The following RPS6KA2 variants were observed in gnomAD, a reference collection of about 807,000 sequenced individuals.
RPS6KA2 encodes ribosomal protein S6 kinase A2.
A neutral mutation model predicts 91.8 loss-of-function variants in RPS6KA2; 42 were observed. That is an observed-to-expected ratio of 0.46 (90% CI 0.36 to 0.59). The LOEUF (loss-of-function observed/expected upper bound fraction) is 0.59, where lower values mean the gene tolerates loss of function less well. RPS6KA2 is among the 20% of genes least tolerant of loss of function. RPS6KA2 has a pLI of 0.00. For missense variants in RPS6KA2, 798 were observed against 978.5 expected (o/e 0.82, Z 2.46); for synonymous variants, 414 against 393.6 (o/e 1.05, Z -0.61).
chr6:166,428,608 GA>G (rs1159594785), intron 16 of RPS6KA2, among the ~76,000 whole-genome samples: 1,997 of 133,634 alleles, frequency 0.015, 17 homozygotes, highest in African/African-American at 0.043. Flanking sequence ...AAATTTACAA[GA>G]AAAAAAAAAA....
chr6:166,588,100 G>A (rs1785239855), intron 1 of RPS6KA2, among the ~76,000 whole-genome samples: 1 of 152,154 alleles, frequency 6.6e-6, no homozygotes, highest in Admixed American at 6.5e-5. Flanking sequence ...GGGGACCTTC[G>A]TTTTGCTCCC....
chr6:166,677,421 G>T (rs191036686), intron 2 of RPS6KA2, among the ~76,000 whole-genome samples: 1 of 151,490 alleles, frequency 6.6e-6, no homozygotes, highest in Non-Finnish European at 1.5e-5. Context: ...AAGTGTAGTG[G>T]CATGATGTCG....
At chr6:166,594,034 C>A (rs1379667863) in intron 1 of RPS6KA2, among the ~76,000 whole-genome samples, 1 of 152,146 alleles carries the variant, frequency 6.6e-6, no homozygotes, top group African/African-American at 2.4e-5. Flanking sequence ...GTGTTCAAGA[C>A]CGTTCATCAT....
At chr6:166,654,330 C>T (rs1171017740) in intron 2 of RPS6KA2, among the ~76,000 whole-genome samples, 8 of 152,102 alleles carry the variant, frequency 5.3e-5, no homozygotes, top group Non-Finnish European at 1.0e-4. Context: ...TAGTAATGAA[C>T]GTGAAACAAG....
At chr6:166,541,589 T>G (rs558355114) in intron 1 of RPS6KA2, among the ~76,000 whole-genome samples, 168 of 152,308 alleles carry the variant, frequency 1.1e-3, no homozygotes, top group African/African-American at 3.9e-3. Flanking sequence ...GGTGTTCCCC[T>G]GCTCCCAGTC....
intron 2 of RPS6KA2, among the ~76,000 whole-genome samples, chr6:166,730,413 T>C (rs1274784036): frequency 6.6e-6 from 1 of 152,252 alleles, no homozygotes; most frequent in Non-Finnish European, 1.5e-5. Context: ...TGTTGTTAAA[T>C]GTTTTATAAA....
chr6:166,474,920 C>T (rs374008758), intron 10 of RPS6KA2, among the ~76,000 whole-genome samples: 5 of 152,196 alleles, frequency 3.3e-5, no homozygotes, highest in African/African-American at 7.2e-5. Context: ...AGCTTCATCC[C>T]GGAGCCTACC....
intron 2 of RPS6KA2, chr6:166,702,647 C>A: frequency 6.4e-7 from 1 of 1,571,898 alleles, no homozygotes; most frequent in Non-Finnish European, 8.8e-7. Flanking sequence ...ATGGGTTTCC[C>A]GTGCAGTTCT....
intron 1 of RPS6KA2, among the ~76,000 whole-genome samples, chr6:166,566,625 G>A (rs112236866): frequency 1.3e-5 from 2 of 152,310 alleles, no homozygotes; most frequent in Admixed American, 6.5e-5. Context: ...AGCCTGTCTT[G>A]CACAGGCCCA....
At chr6:166,484,264 G>A (rs768791376) in intron 10 of RPS6KA2, among the ~76,000 whole-genome samples, 2 of 152,192 alleles carry the variant, frequency 1.3e-5, no homozygotes, top group African/African-American at 4.8e-5. Flanking sequence ...GGGGCTCTGC[G>A]TGGTCCGAGA....
chr6:166,784,944 A>G (rs962948608), intron 2 of RPS6KA2, among the ~76,000 whole-genome samples: 23 of 152,292 alleles, frequency 1.5e-4, no homozygotes, highest in Non-Finnish European at 2.4e-4. Context: ...ACACGGGCTG[A>G]GCTGGGGCTG....
intron 1 of RPS6KA2, among the ~76,000 whole-genome samples, chr6:166,615,850 C>T (rs200582439): frequency 1.3e-5 from 2 of 152,162 alleles, no homozygotes; most frequent in Admixed American, 6.5e-5. Context: ...GCCCACTCAG[C>T]GCAGGACTCC....
chr6:166,580,270 G>C (rs1305279252), intron 1 of RPS6KA2, among the ~76,000 whole-genome samples: 1 of 152,224 alleles, frequency 6.6e-6, no homozygotes, highest in Non-Finnish European at 1.5e-5. Flanking sequence ...GGCAAAGGTA[G>C]AACAGGTGTC....
At chr6:166,856,120 T>C (rs1780895458) in intron 2 of RPS6KA2, among the ~76,000 whole-genome samples, 1 of 152,246 alleles carries the variant, frequency 6.6e-6, no homozygotes, top group Non-Finnish European at 1.5e-5. Context: ...TTCTGTTAGT[T>C]GTATACATGC....
At chr6:166,702,276 G>A in intron 2 of RPS6KA2, 3 of 1,613,404 alleles carry the variant, frequency 1.9e-6, no homozygotes, top group South Asian at 2.2e-5. Context: ...ACGGATCCTG[G>A]AGACCCCTGC....
chr6:166,609,486 A>G (rs1018339481), intron 1 of RPS6KA2, among the ~76,000 whole-genome samples: 1 of 151,382 alleles, frequency 6.6e-6, no homozygotes, highest in Non-Finnish European at 1.5e-5. Flanking sequence ...ACACTGATAT[A>G]CTGAATTATC....
chr6:166,463,218 C>T (rs778402597), intron 11 of RPS6KA2: 5 of 152,172 alleles, frequency 3.3e-5, no homozygotes, highest in African/African-American at 4.8e-5. Flanking sequence ...AACCTAAGAA[C>T]GGGTTTGAGG....
At chr6:166,543,306 G>A (rs982654122) in intron 1 of RPS6KA2, among the ~76,000 whole-genome samples, 5 of 152,220 alleles carry the variant, frequency 3.3e-5, no homozygotes, top group African/African-American at 1.2e-4. Flanking sequence ...AATGTTCTAT[G>A]TTGCCCACCT....
At chr6:166,661,836 T>C (rs937411574) in intron 2 of RPS6KA2, among the ~76,000 whole-genome samples, 1 of 152,212 alleles carries the variant, frequency 6.6e-6, no homozygotes, top group Non-Finnish European at 1.5e-5. Flanking sequence ...TATTTTTATT[T>C]GACTGTGGCC....
Sources: allele counts gnomAD v4.1 joint callset (sites outside exome capture counted in the v4.1 genomes callset), GRCh38; gene constraint gnomAD v4.1.1; transcripts MANE v1.5; gene names NCBI Gene and HGNC (gene_info 2026-07-23, HGNC 2026-07-21).